PDPR: variants seen among roughly 807,000 people sequenced by gnomAD.
PDPR encodes pyruvate dehydrogenase phosphatase regulatory subunit, mitochondrial.
A neutral mutation model predicts 102.2 loss-of-function variants in PDPR; 50 were observed. The ratio of observed to expected loss-of-function variants is 0.49; its 90% confidence interval spans 0.39 to 0.62. PDPR has a LOEUF of 0.62. Ranked by LOEUF, PDPR falls within the 20% of genes least tolerant of loss-of-function variation. The pLI is 0.00. For synonymous variants in PDPR, 259 were observed against 406.0 expected (o/e 0.64, Z 4.35); for missense variants, 625 against 1,098.2 (o/e 0.57, Z 6.09).
chr16:70,132,957 T>A (rs988805723), intron 9 of PDPR, among the ~76,000 whole-genome samples: 3 of 152,076 alleles, frequency 2.0e-5, no homozygotes, highest in African/African-American at 7.2e-5. Flanking sequence ...GGATTACAGG[T>A]GCTTGCCACC....
At chr16:70,142,116 C>G (rs1965777685) in intron 11 of PDPR, 118 bp from the exon 12 acceptor site, 1 of 1,039,926 alleles carries the variant, frequency 9.6e-7, no homozygotes, top group Non-Finnish European at 1.4e-6. Context: ...AAAAAAAAAA[C>G]TACGTTAGCC....
chr16:70,119,176 C>G (rs1235236631), intron 2 of PDPR, among the ~76,000 whole-genome samples: 3 of 151,990 alleles, frequency 2.0e-5, no homozygotes, highest in Admixed American at 6.6e-5. Flanking sequence ...AAAACCCTGC[C>G]TTGTCCAAGG....
intron 9 of PDPR, among the ~76,000 whole-genome samples, chr16:70,135,225 C>T (rs1203486946): frequency 2.0e-5 from 3 of 148,046 alleles, no homozygotes; most frequent in Non-Finnish European, 4.4e-5. Context: ...TATTCCAATG[C>T]AGAACATTGC....
At chr16:70,114,712 C>G (rs946534702) in intron 1 of PDPR, 109 bp from the exon 2 acceptor site, 2 of 152,430 alleles carry the variant, frequency 1.3e-5, no homozygotes, top group Admixed American at 1.3e-4. Context: ...ACTTCAGCCC[C>G]GATGCCAGGG....
rs1966043159 is a variant in PDPR, at chr16:70,144,445, C to T, written c.1779C>T (p.Asp593=). ...KRSFFMISPT[D]QQVHCWAWLK... Reference sequence around the variant, plus strand: ...GTTTCTTCATGATCTCTCCAACCGACCAGCAGGTCCACTGTTGGGCCTGGC... The same window carrying T: ...GTTTCTTCATGATCTCTCCAACCGATCAGCAGGTCCACTGTTGGGCCTGGC... The change falls in exon 15 of 19, where the codon GAC becomes GAT. Residue 593 remains aspartate, a synonymous_variant. Coordinates refer to ENST00000288050, the MANE Select transcript of PDPR (RefSeq NM_017990.5). 1.6e-6 allele frequency: 1 copy of T among 622,024 alleles called. No individual in the cohort carries two copies. The highest frequency in any genetic ancestry group is 2.9e-6 in the Non-Finnish European group (1 of 349,758). The allele number at this position is 622,024 out of a possible 1,614,324, so 38.5% of individuals were successfully genotyped here.
At chr16:70,125,018 T>A (rs1169141058) in intron 3 of PDPR, among the ~76,000 whole-genome samples, 6 of 152,170 alleles carry the variant, frequency 3.9e-5, no homozygotes. Context: ...TAGAGAACAT[T>A]TTTTTCAATG....
At chr16:70,145,477 T>C (rs1171240944) in intron 15 of PDPR, among the ~76,000 whole-genome samples, 1 of 152,254 alleles carries the variant, frequency 6.6e-6, no homozygotes, top group East Asian at 1.9e-4. Context: ...GGTTCCCTGA[T>C]TTTCTCACTC....
In PDPR at chr16:70,133,724, C is replaced by CT. The variant is rs1252557473; in HGVS notation, c.997+1432dup. On this transcript the variant is annotated intron_variant, in intron 9 of 18. Transcript: ENST00000288050. Reference sequence around the variant, plus strand: ...TGAGCCACTGTGCCCAGCTCTGCTTCTTTTTTTTGTTTTTTTGTTTTTTTT... The same window carrying CT: ...TGAGCCACTGTGCCCAGCTCTGCTTCTTTTTTTTTGTTTTTTTGTTTTTTTT... Among the ~76,000 whole-genome samples, 50 of 150,110 alleles carry CT rather than the reference C, an allele frequency of 3.3e-4. 1 individual carries two copies. Among genetic ancestry groups the CT allele is most frequent in the Admixed American group, 2.0e-3 (29 of 14,776 alleles).
At chr16:70,140,901 T>C (rs1272317293) in intron 11 of PDPR, among the ~76,000 whole-genome samples, 2 of 152,244 alleles carry the variant, frequency 1.3e-5, no homozygotes, top group Non-Finnish European at 2.9e-5. Context: ...ATTGTCACCA[T>C]GCAGAGAACC....
intron 3 of PDPR, among the ~76,000 whole-genome samples, chr16:70,121,644 A>G (rs1963286543): frequency 6.6e-6 from 1 of 152,060 alleles, no homozygotes; most frequent in African/African-American, 2.4e-5. Flanking sequence ...GTGAGCAGAG[A>G]TCATGCCACT....
intron 4 of PDPR, 49 bp from the exon 5 acceptor site, chr16:70,128,735 G>A (rs546759121): frequency 1.9e-6 from 3 of 1,613,448 alleles, no homozygotes; most frequent in East Asian, 2.2e-5. Context: ...CCACTCTCCT[G>A]TCCTACATTT....
chr16:70,117,153 G>C (rs1357228037), intron 2 of PDPR, among the ~76,000 whole-genome samples: 1 of 147,206 alleles, frequency 6.8e-6, no homozygotes, highest in Non-Finnish European at 1.5e-5. Context: ...ATAAGGTTGT[G>C]AGGATTAAAT....
At chr16:70,150,933 A>G (rs1966684490) in intron 17 of PDPR, among the ~76,000 whole-genome samples, 1 of 152,160 alleles carries the variant, frequency 6.6e-6, no homozygotes, top group African/African-American at 2.4e-5. Context: ...ATGCCCAGCT[A>G]TCTTTTATTT....
chr16:70,151,282 C>G (rs114081521), intron 17 of PDPR, among the ~76,000 whole-genome samples: 8 of 152,334 alleles, frequency 5.3e-5, no homozygotes, highest in African/African-American at 1.9e-4. Flanking sequence ...GTTGCCCAGG[C>G]TGGACTCTAA....
In PDPR at chr16:70,156,737, A is replaced by G. The variant is rs1315638068; in HGVS notation, c.2498A>G (p.Asp833Gly). ...GGGGAAGAGCAAGTGGTGACAGCAG[A>G]TTTCATCAACCGGGGAGAGTATGAG... ...DTGEEQVVTA[D>G]FINRGEYEID... Residue 833 changes from aspartate to glycine, a missense_variant, in exon 19 of 19, where the codon GAT becomes GGT. Physicochemically the swap from Asp to Gly is moderately conservative, Grantham distance 94. This residue lies in a region of PDPR where 303 missense variants were observed against 258.9 expected (regional missense o/e 1.17). Transcript: ENST00000288050. 5 of 1,614,114 alleles carry G rather than the reference A, an allele frequency of 3.1e-6. No individual in the cohort carries two copies.
chr16:70,134,880 G>A (rs1440389771), intron 9 of PDPR, among the ~76,000 whole-genome samples: 1 of 152,322 alleles, frequency 6.6e-6, no homozygotes, highest in Admixed American at 6.5e-5. Context: ...TCTGACCCTT[G>A]ATGGGCTTTC....
chr16:70,115,951 A>G (rs1962594458), intron 2 of PDPR, among the ~76,000 whole-genome samples: 1 of 151,984 alleles, frequency 6.6e-6, no homozygotes, highest in South Asian at 2.1e-4. Context: ...TTTGGCGGCA[A>G]AGGCACTAGA....
intron 6 of PDPR, among the ~76,000 whole-genome samples, chr16:70,129,940 G>C (rs1467447760): frequency 6.6e-6 from 1 of 152,280 alleles, no homozygotes; most frequent in Non-Finnish European, 1.5e-5. Context: ...TTTCAATCTT[G>C]AACAAGGCCC....
intron 17 of PDPR, among the ~76,000 whole-genome samples, chr16:70,149,139 C>A (rs1966493590): frequency 1.3e-5 from 2 of 151,850 alleles, no homozygotes. Context: ...AGGTGATACA[C>A]CCACCTTGTC....
Sources: gnomAD v4.1 joint callset for allele counts (sites outside exome capture counted in the v4.1 genomes callset) on GRCh38, gnomAD v4.1.1 for gene constraint, gnomAD v4.1.1 regional missense constraint, MANE v1.5 for transcripts, NCBI Gene and HGNC (gene_info 2026-07-23, HGNC 2026-07-21) for gene names.